The following ZFAND3 variants were observed in gnomAD, a reference collection of about 807,000 sequenced individuals.
ZFAND3 encodes AN1-type zinc finger protein 3.
A neutral mutation model predicts 29.6 loss-of-function variants in ZFAND3; 10 were observed. That is an observed-to-expected ratio of 0.34 (90% CI 0.21 to 0.57). The LOEUF (loss-of-function observed/expected upper bound fraction) is 0.57, where lower values mean the gene tolerates loss of function less well. Among genes scored for constraint, ZFAND3 ranks in the 20% least tolerant of loss-of-function variants. ZFAND3 has a pLI of 0.86. For synonymous variants in ZFAND3, 128 were observed against 112.6 expected, an observed-to-expected ratio of 1.14 and a Z score of -0.87; for missense variants, 230 against 304.5, an observed-to-expected ratio of 0.76 and a Z score of 1.82.
intron 5 of ZFAND3, among the ~76,000 whole-genome samples, chr6:38,128,745 T>C (rs1351617755): frequency 6.6e-6 from 1 of 152,236 alleles, no homozygotes; most frequent in Non-Finnish European, 1.5e-5. Context: ...ACTCATTGAT[T>C]GATGGGCATT....
intron 2 of ZFAND3, among the ~76,000 whole-genome samples, chr6:37,970,290 T>C (rs1050637719): frequency 4.6e-5 from 7 of 152,200 alleles, no homozygotes; most frequent in African/African-American, 1.7e-4. Context: ...ATGTGAATAG[T>C]TGGTAAGTCC....
At chr6:37,993,944 A>C (rs141456709) in intron 2 of ZFAND3, among the ~76,000 whole-genome samples, 2 of 152,328 alleles carry the variant, frequency 1.3e-5, no homozygotes, top group East Asian at 3.9e-4. Flanking sequence ...AAAATCCTTG[A>C]AAAAGTGAAT....
intron 1 of ZFAND3, among the ~76,000 whole-genome samples, chr6:37,827,412 T>C (rs1159711714): frequency 2.6e-5 from 4 of 152,224 alleles, no homozygotes; most frequent in African/African-American, 9.6e-5. Flanking sequence ...TTTTGAAAGT[T>C]GATAGGTTGT....
intron 1 of ZFAND3, among the ~76,000 whole-genome samples, chr6:37,866,450 T>C (rs1764592163): frequency 6.6e-6 from 1 of 152,208 alleles, no homozygotes; most frequent in African/African-American, 2.4e-5. Context: ...TTAATAAGAA[T>C]AGAATTAAAT....
intron 2 of ZFAND3, among the ~76,000 whole-genome samples, chr6:37,943,977 A>G (rs115597608): frequency 0.012 from 1,809 of 152,334 alleles, 22 homozygotes; most frequent in Non-Finnish European, 0.018. Context: ...AAGTTGCAAC[A>G]ACCCTTTAAT....
chr6:37,826,511 T>TG (rs1319320502), intron 1 of ZFAND3, among the ~76,000 whole-genome samples: 1 of 152,190 alleles, frequency 6.6e-6, no homozygotes, highest in Non-Finnish European at 1.5e-5. Context: ...CCCAGCACTT[T>TG]GCGAGGCCAA....
chr6:37,924,565 T>G (rs1761446805), intron 1 of ZFAND3, among the ~76,000 whole-genome samples: 2 of 152,096 alleles, frequency 1.3e-5, no homozygotes, highest in South Asian at 4.1e-4. Context: ...ACAGGAGTTG[T>G]AGCTCACACC....
chr6:37,969,089 A>G (rs180893023), intron 2 of ZFAND3, among the ~76,000 whole-genome samples: 75 of 152,300 alleles, frequency 4.9e-4, no homozygotes, highest in Admixed American at 1.8e-3. Context: ...ATGTGACTGT[A>G]CTGAATACTA....
intron 1 of ZFAND3, among the ~76,000 whole-genome samples, chr6:37,855,586 T>C (rs1014523096): frequency 1.3e-5 from 2 of 152,222 alleles, no homozygotes; most frequent in Non-Finnish European, 2.9e-5. Context: ...TTAGTTTTGA[T>C]GTTAGAGACT....
chr6:37,839,305 C>T (rs571889042), intron 1 of ZFAND3, among the ~76,000 whole-genome samples: 20 of 151,100 alleles, frequency 1.3e-4, no homozygotes, highest in African/African-American at 2.7e-4. Flanking sequence ...CTCAGCTTCC[C>T]GGGTAGCTGG....
intron 1 of ZFAND3, among the ~76,000 whole-genome samples, chr6:37,928,607 G>A (rs1416724218): frequency 6.6e-6 from 1 of 151,942 alleles, no homozygotes; most frequent in Non-Finnish European, 1.5e-5. Flanking sequence ...TGCAACCTCC[G>A]CTTCCTGGGT....
intron 2 of ZFAND3, among the ~76,000 whole-genome samples, chr6:38,044,562 G>A (rs530819740): frequency 2.6e-5 from 4 of 152,170 alleles, no homozygotes; most frequent in Non-Finnish European, 4.4e-5. Context: ...TTTCCTTGTC[G>A]CTCTTAGTTT....
intron 1 of ZFAND3, among the ~76,000 whole-genome samples, chr6:37,865,840 G>T (rs536366069): frequency 6.6e-6 from 1 of 152,108 alleles, no homozygotes; most frequent in East Asian, 1.9e-4. Context: ...CAAGTCGAAC[G>T]GTAGGTGCAA....
chr6:38,020,491 G>A (rs924414966), intron 2 of ZFAND3, among the ~76,000 whole-genome samples: 3 of 152,072 alleles, frequency 2.0e-5, no homozygotes, highest in African/African-American at 7.2e-5. Flanking sequence ...TCTATTTATT[G>A]CATTATTTAT....
At chr6:37,823,145 C>T (rs1449075864) in intron 1 of ZFAND3, among the ~76,000 whole-genome samples, 1 of 152,060 alleles carries the variant, frequency 6.6e-6, no homozygotes, top group Non-Finnish European at 1.5e-5. Context: ...ATGTGATATA[C>T]GTGTTTCCGT....
At chr6:38,138,050 C>A (rs1345471023) in intron 5 of ZFAND3, among the ~76,000 whole-genome samples, 2 of 152,064 alleles carry the variant, frequency 1.3e-5, no homozygotes, top group Non-Finnish European at 2.9e-5. Flanking sequence ...CGGTAACTCA[C>A]AGCTGTAATC....
chr6:37,839,159 C>T lies in ZFAND3; in HGVS notation c.71+19143C>T, dbSNP rs768406144. ...GCATGTTTTAAAATTGAGTTGTATGCCTTTTTACTTGTAAGTTGTAAAATT... is the reference window on the plus strand; with the variant it reads ...GCATGTTTTAAAATTGAGTTGTATGTCTTTTTACTTGTAAGTTGTAAAATT... On this transcript the variant is annotated intron_variant, in intron 1 of 5. Transcript: ENST00000287218. 2.4e-4 allele frequency among the ~76,000 whole-genome samples: 37 copies of T among 151,286 alleles called. 1 individual carries two copies. The highest frequency in any genetic ancestry group is 4.6e-4 in the Admixed American group (7 of 15,138).
At chr6:37,972,568 A>G (rs1358119476) in intron 2 of ZFAND3, among the ~76,000 whole-genome samples, 1 of 152,194 alleles carries the variant, frequency 6.6e-6, no homozygotes, top group East Asian at 1.9e-4. Flanking sequence ...GAAACACTCA[A>G]GATTGTCTCT....
intron 2 of ZFAND3, among the ~76,000 whole-genome samples, chr6:38,045,053 C>CTTTT (rs1199057115): frequency 1.7e-4 from 20 of 114,570 alleles, no homozygotes; most frequent in Middle Eastern, 4.2e-3. Context: ...TGTGGAAATT[C>CTTTT]TTTTATTTAT....
Sources: allele counts gnomAD v4.1 joint callset (sites outside exome capture counted in the v4.1 genomes callset), GRCh38; gene constraint gnomAD v4.1.1; transcripts MANE v1.5; gene names NCBI Gene and HGNC (gene_info 2026-07-23, HGNC 2026-07-21).